BCL2L14: variants seen among roughly 807,000 people sequenced by gnomAD.
BCL2L14 encodes the protein apoptosis facilitator Bcl-2-like protein 14.
Under a neutral mutation model 35.3 loss-of-function variants are expected in BCL2L14, and 27 were observed. That is an observed-to-expected ratio of 0.76 (90% CI 0.56 to 1.05). The LOEUF is 1.05. BCL2L14 is among the 50% of genes least tolerant of loss of function. BCL2L14 has a pLI of 0.00. For missense variants in BCL2L14, 377 were observed against 382.6 expected, an observed-to-expected ratio of 0.99 and a Z score of 0.12; for synonymous variants, 139 against 145.9, an observed-to-expected ratio of 0.95 and a Z score of 0.34.
In BCL2L14 at chr12:12,089,590, C is replaced by A. The variant is rs961231484; in HGVS notation, c.608-1189C>A. Among the ~76,000 whole-genome samples, 3 of 146,702 alleles carry A rather than the reference C, an allele frequency of 2.0e-5. No individual in the cohort carries two copies. The South Asian group carries it at 6.6e-4, about 33-fold the overall frequency. ...GCACACACCTGTAGTCCCAGCTACTCGGGAGGCTGAGGCAGGAGAATCACT... is the reference window on the plus strand; with the variant it reads ...GCACACACCTGTAGTCCCAGCTACTAGGGAGGCTGAGGCAGGAGAATCACT... On this transcript the variant is annotated intron_variant, in intron 3 of 5. Transcript: ENST00000308721.
chr12:12,092,897 G>A (rs576341255), intron 4 of BCL2L14, among the ~76,000 whole-genome samples: 2 of 152,160 alleles, frequency 1.3e-5, no homozygotes, highest in Admixed American at 6.5e-5. Context: ...TTGAAAACCC[G>A]CTTGGCTTAT....
At chr12:12,096,433 G>GAAA (rs71435889) in intron 5 of BCL2L14, among the ~76,000 whole-genome samples, 20,235 of 101,048 alleles carry the variant, frequency 0.2, 2,025 homozygotes, top group South Asian at 0.31. Flanking sequence ...CCAAGAATGT[G>GAAA]AAAAAAAAAA....
intron 2 of BCL2L14, among the ~76,000 whole-genome samples, chr12:12,062,681 G>A (rs558898243): frequency 1.1e-4 from 16 of 152,138 alleles, no homozygotes; most frequent in Admixed American, 2.0e-4. Context: ...TCACTAGATA[G>A]GAAGAGGCCT....
chr12:12,078,800 T>TTTTC (rs1948840638), intron 1 of BCL2L14, among the ~76,000 whole-genome samples: 2 of 123,272 alleles, frequency 1.6e-5, no homozygotes, highest in African/African-American at 9.8e-5. Flanking sequence ...TCTCTCTCTG[T>TTTTC]TGTTTTTTGT....
intron 2 of BCL2L14, among the ~76,000 whole-genome samples, chr12:12,083,337 A>G (rs536809619): frequency 1.3e-5 from 2 of 152,316 alleles, no homozygotes; most frequent in South Asian, 4.1e-4. Context: ...TACCGGGCTT[A>G]CATGGGAACT....
Position 12,052,667 on chromosome 12 carries a change from G to A in BCL2L14, c.-272+820G>A, listed in dbSNP as rs536977784. ...TTCCATATCTTGGCTATGGTAAATC[G>A]TGTTGCAATGAACATGGGAGTTCAG... On this transcript the variant is annotated intron_variant, in intron 2 of 3. Transcript: ENST00000461264. Among the ~76,000 whole-genome samples, 93 of 152,216 alleles carry A rather than the reference G, an allele frequency of 6.1e-4. 1 individual carries two copies. Among genetic ancestry groups the A allele is most frequent in the African/African-American group, 2.2e-3 (91 of 41,526 alleles).
At chr12:12,077,086 G>A (rs1342682987) in intron 1 of BCL2L14, among the ~76,000 whole-genome samples, 1 of 152,086 alleles carries the variant, frequency 6.6e-6, no homozygotes, top group Non-Finnish European at 1.5e-5. Context: ...TTATCATTTG[G>A]TCCTGGTATG....
At chr12:12,070,481 T>G (rs1948652610), upstream of BCL2L14, among the ~76,000 whole-genome samples, 1 of 152,098 alleles carries the variant, frequency 6.6e-6, no homozygotes, top group Non-Finnish European at 1.5e-5. Flanking sequence ...GGCCAGGAGT[T>G]CGAGACCAAC....
At chr12:12,067,505 C>T (rs576953890), upstream of BCL2L14, among the ~76,000 whole-genome samples, 93 of 152,024 alleles carry the variant, frequency 6.1e-4, no homozygotes, top group Admixed American at 1.5e-3. Flanking sequence ...GAGCCGAGAT[C>T]GTGCCACTGC....
intron 1 of BCL2L14, among the ~76,000 whole-genome samples, chr12:12,076,843 C>T (rs1380246090): frequency 6.6e-6 from 1 of 152,178 alleles, no homozygotes; most frequent in East Asian, 1.9e-4. Context: ...GGAGATATTT[C>T]AGCTCCTACA....
At position 12,095,039 on chromosome 12, in the gene BCL2L14, G is replaced by C. The variant is rs557526083; in HGVS notation, c.945+109G>C. The C allele has an allele frequency of 6.1e-6, 9 of 1,467,514 alleles. No homozygotes were observed. In the African/African-American group the frequency reaches 1.3e-4, roughly 21 times the overall value. 90.9% of individuals were successfully genotyped at this position (1,467,514 alleles called of 1,614,324 possible). On this transcript the variant is annotated intron_variant, in intron 5 of 5. Transcript: ENST00000308721. ...AACACATCTATGAAGCAGTTCTCAT[G>C]AGTTTAGGACACTTGAGTGGCCAGA... is the stretch of plus-strand genomic sequence containing the variant.
intron 2 of BCL2L14, among the ~76,000 whole-genome samples, chr12:12,064,766 T>A (rs948232405): frequency 3.3e-5 from 5 of 152,218 alleles, no homozygotes; most frequent in African/African-American, 1.2e-4. Context: ...TCCTTTGACT[T>A]AAGAGATGGT....
intron 3 of BCL2L14, among the ~76,000 whole-genome samples, 170 bp downstream of exon 3, chr12:12,087,556 C>T (rs1431904732): frequency 3.3e-5 from 5 of 152,236 alleles, no homozygotes; most frequent in African/African-American, 1.2e-4. Flanking sequence ...CAGCCCAAGG[C>T]AAGGGGGCTG....
intron 1 of BCL2L14, 104 bp from the exon 2 acceptor site, chr12:12,079,195 G>A (rs1166988678): frequency 1.0e-6 from 1 of 960,144 alleles, no homozygotes; most frequent in Non-Finnish European, 1.6e-6. Flanking sequence ...AAACACAATA[G>A]ATGTTCAATA....
chr12:12,094,309 A>G (rs1349324624), intron 4 of BCL2L14, among the ~76,000 whole-genome samples: 2 of 152,166 alleles, frequency 1.3e-5, no homozygotes, highest in African/African-American at 4.8e-5. Flanking sequence ...AGCAAAGGAC[A>G]TCACATTTTT....
rs575928822 is a variant in BCL2L14, at chr12:12,053,640, G to A, written c.-272+1793G>A. 1.3e-3 allele frequency among the ~76,000 whole-genome samples: 198 copies of A among 152,208 alleles called. 1 individual carries two copies. Among genetic ancestry groups the A allele is most frequent in the Admixed American group, 3.0e-3 (46 of 15,282 alleles). ...TCTCCATGTTGGTTAGGCTGGTCTC[G>A]AACTTCCAACCTCAGGTACCCGCCT... On this transcript the variant is annotated intron_variant, in intron 2 of 3. Coordinates refer to the BCL2L14 transcript ENST00000461264.
intron 1 of BCL2L14, among the ~76,000 whole-genome samples, chr12:12,072,746 C>G (rs1948693855): frequency 6.6e-6 from 1 of 152,160 alleles, no homozygotes. Context: ...GAGCTGAAAG[C>G]AGAAGGGATC....
At chr12:12,080,328 T>C (rs984539028) in intron 2 of BCL2L14, among the ~76,000 whole-genome samples, 9 of 148,552 alleles carry the variant, frequency 6.1e-5, no homozygotes, top group Admixed American at 2.0e-4. Context: ...GACACCAATA[T>C]AAAAGAAGGA....
At chr12:12,082,063 A>T (rs1216809295) in intron 2 of BCL2L14, among the ~76,000 whole-genome samples, 2 of 152,222 alleles carry the variant, frequency 1.3e-5, no homozygotes, top group African/African-American at 4.8e-5. Flanking sequence ...AGAGTTTCAG[A>T]TGTTTAGAAC....
Sources: gnomAD v4.1 joint callset for allele counts (sites outside exome capture counted in the v4.1 genomes callset) on GRCh38, gnomAD v4.1.1 for gene constraint, MANE v1.5 for transcripts, NCBI Gene and HGNC (gene_info 2026-07-23, HGNC 2026-07-21) for gene names.